LIMS2: variants seen among roughly 807,000 people sequenced by gnomAD.
LIMS2 encodes the protein LIM zinc finger domain containing 2.
LIMS2 carries 30 observed loss-of-function variants against 45.3 expected under a neutral mutation model. The ratio of observed to expected loss-of-function variants is 0.66; its 90% CI spans 0.50 to 0.90. The LOEUF (loss-of-function observed/expected upper bound fraction) is 0.90, where lower values mean the gene tolerates loss of function less well. Among genes scored for constraint, LIMS2 ranks in the 40% least tolerant of loss-of-function variants. The pLI is 0.00. For missense variants in LIMS2, 485 were observed against 468.7 expected (o/e 1.03, Z -0.32); for synonymous variants, 173 against 188.0 (o/e 0.92, Z 0.65).
chr2:127,656,792 G>A (rs991814011), intron 2 of LIMS2, among the ~76,000 whole-genome samples: 6 of 152,164 alleles, frequency 3.9e-5, no homozygotes, highest in African/African-American at 1.2e-4. Context: ...CTCTTGCAGA[G>A]GGGAAGCCTA....
intron 1 of LIMS2, chr2:127,673,765 A>T: frequency 2.6e-6 from 4 of 1,550,146 alleles, no homozygotes; most frequent in Non-Finnish European, 2.6e-6. Flanking sequence ...GAGAGTGAGA[A>T]CCAGCCAGCT....
chr2:127,661,155 C>T (rs564097455), intron 1 of LIMS2, among the ~76,000 whole-genome samples: 6 of 152,364 alleles, frequency 3.9e-5, no homozygotes, highest in Admixed American at 1.3e-4. Context: ...ACAGAGAGGC[C>T]GGCAGAGGCC....
upstream of LIMS2, among the ~76,000 whole-genome samples, chr2:127,678,624 ATG>A (rs1376806940): frequency 6.6e-6 from 1 of 152,002 alleles, no homozygotes; most frequent in East Asian, 1.9e-4. The surrounding 1 kb of genome is among the most constrained non-coding windows in gnomAD (Gnocchi z 5.3). Context: ...GGGAATCTGG[ATG>A]TGTGTGTGTG....
At position 127,675,083 on chromosome 2, in the gene LIMS2, T is replaced by G. The variant is rs1397407939; in HGVS notation, c.-59A>C. 8.2e-7 allele frequency: 1 copy of G among 1,224,366 alleles called. No homozygotes were observed. The highest frequency in any genetic ancestry group is 1.6e-5 in the African/African-American group (1 of 63,888). 75.8% of individuals were successfully genotyped at this position (1,224,366 alleles called of 1,614,324 possible). ...GTTGCCGCGGGTCTCCCTCTGCTGC[T>G]GCAGCCGCCAGCCGAGCGCCCGCCC... is the stretch of plus-strand genomic sequence containing the variant. On this transcript the variant is annotated 5_prime_UTR_variant, in exon 1 of 10. Coordinates refer to ENST00000355119, the MANE Select transcript of LIMS2 (RefSeq NM_001161403.3).
Position 127,657,474 on chromosome 2 carries a change from C to T in LIMS2, c.100G>A (p.Glu34Lys). 6.2e-7 allele frequency: 1 copy of T among 1,613,762 alleles called. No individual in the cohort carries two copies. Residue 34 changes from glutamate to lysine, a missense_variant, in exon 2 of 10, where the codon GAG (glutamate) becomes AAG (lysine). Glu to Lys is a moderately conservative substitution (Grantham distance 56). Coordinates refer to ENST00000355119, the MANE Select transcript of LIMS2 (RefSeq NM_001161403.3). ...PAERIVNSNGELYHEHCFVCA... is the reference protein window; with the variant it reads ...PAERIVNSNGKLYHEHCFVCA... The stretch of plus-strand genomic sequence containing the variant: ...ACGAAGCAGTGCTCATGGTACAGCT[C>T]CCCATTGCTGTTGACAATGCGCTCG...
At chr2:127,670,005 G>A (rs2105340894) in intron 1 of LIMS2, among the ~76,000 whole-genome samples, 1 of 152,268 alleles carries the variant, frequency 6.6e-6, no homozygotes, top group East Asian at 1.9e-4. Context: ...TCGGGAAATT[G>A]GAACCTTCAT....
chr2:127,673,774 C>A, intron 1 of LIMS2: 1 of 1,547,690 alleles, frequency 6.5e-7, no homozygotes, highest in Non-Finnish European at 8.7e-7. Context: ...AACCAGCCAG[C>A]TGGCAGGGAT....
intron 3 of LIMS2, 80 bp from the exon 4 acceptor site, chr2:127,654,624 G>A: frequency 6.3e-7 from 1 of 1,594,052 alleles, no homozygotes; most frequent in South Asian, 1.1e-5. Context: ...TGTCCACCTA[G>A]CACTCCGCCT....
At chr2:127,650,809 A>G (rs1350002189) in intron 4 of LIMS2, 1 of 1,613,932 alleles carries the variant, frequency 6.2e-7, no homozygotes. Flanking sequence ...CAATGTGGCC[A>G]GGAGACGCCA....
intron 1 of LIMS2, among the ~76,000 whole-genome samples, chr2:127,673,501 G>A (rs1021174184): frequency 8.5e-5 from 13 of 152,190 alleles, no homozygotes; most frequent in Admixed American, 2.6e-4. Flanking sequence ...CAGCGGTTCC[G>A]GCCGGGCTCA....
Position 127,664,603 on chromosome 2 carries a change from G to A in LIMS2, c.12-7041C>T, listed in dbSNP as rs959653076. On this transcript the variant is annotated intron_variant, in intron 1 of 9. Coordinates refer to ENST00000355119, the MANE Select transcript of LIMS2 (RefSeq NM_001161403.3). The surrounding 1 kb of genome is among the most constrained non-coding windows in gnomAD (Gnocchi z 5.5). ...TCCAAATAGAAAGGATATTGTTCGC[G>A]CCGCGGGGGCAGCTCCTGAAAGCTG... The A allele has an allele frequency of 3.2e-5, 36 of 1,120,672 alleles. No individual in the cohort carries two copies. Among genetic ancestry groups the A allele is most frequent in the Non-Finnish European group, 3.7e-5 (34 of 917,746 alleles). The allele number at this position is 1,120,672 out of a possible 1,614,324, so 69.4% of individuals were successfully genotyped here. A position where few individuals can be genotyped will look rare whatever the true frequency, so the allele number is the denominator to read the frequency against.
chr2:127,649,977 G>C, intron 4 of LIMS2: 1 of 1,581,318 alleles, frequency 6.3e-7, no homozygotes, highest in South Asian at 1.1e-5. Flanking sequence ...CCAGGCACAG[G>C]CTTCTCCTAA....
Position 127,667,697 on chromosome 2 carries a change from T to C in LIMS2, c.11+7317A>G, listed in dbSNP as rs76828496. Among the ~76,000 whole-genome samples, 173 of 152,348 alleles carry C rather than the reference T, an allele frequency of 1.1e-3. 2 individuals are homozygous for C. The East Asian group carries it at 0.032, about 28-fold the overall frequency. On this transcript the variant is annotated intron_variant, in intron 1 of 9. Coordinates refer to ENST00000355119, the MANE Select transcript of LIMS2 (RefSeq NM_001161403.3). The surrounding 1 kb of genome is among the most constrained non-coding windows in gnomAD (Gnocchi z 4.1). ...GGGAATAGAAGGGAACTTCTTCAAT[T>C]TGATAAGGGGCATCTACCCAAAACC...
chr2:127,642,017 C>T lies in LIMS2; in HGVS notation c.660+32G>A. On this transcript the variant is annotated intron_variant, in intron 6 of 9. Transcript: ENST00000355119. The surrounding 1 kb of genome is among the most constrained non-coding windows in gnomAD (Gnocchi z 5.3). ...GACCCTGAGCTGGGGCACCCCCCAA[C>T]CTGAGGCCACGTGTCCACCAGCCTG... 1 of 1,605,074 alleles carries T rather than the reference C, an allele frequency of 6.2e-7. No individual in the cohort carries two copies. The highest frequency in any genetic ancestry group is 8.5e-7 in the Non-Finnish European group (1 of 1,176,118).
chr2:127,655,006 G>A (rs774611722), intron 2 of LIMS2, 110 bp from the exon 3 acceptor site: 1 of 985,600 alleles, frequency 1.0e-6, no homozygotes, highest in Non-Finnish European at 1.6e-6. Context: ...CACTGAGGCA[G>A]GGGCATGCCG....
upstream of LIMS2, among the ~76,000 whole-genome samples, chr2:127,676,318 G>A (rs116681527): frequency 3.9e-3 from 586 of 151,970 alleles, 3 homozygotes; most frequent in African/African-American, 0.013. Context: ...TGAGTTGATA[G>A]TATCCTGCAG....
intron 4 of LIMS2, chr2:127,650,366 A>G: frequency 1.9e-6 from 1 of 530,706 alleles, no homozygotes; most frequent in Non-Finnish European, 3.3e-6. Flanking sequence ...GCAGAACAGA[A>G]AACCCAGAGC....
Position 127,642,835 on chromosome 2 carries a change from C to CT in LIMS2, c.509+87dup. ...CCTGCTCCCCTCTCCCTCCTCAACA[C>CT]TTCCCCAGGTGGAGGCCCCACCGCC... On this transcript the variant is annotated intron_variant, in intron 5 of 9. Coordinates refer to ENST00000355119, the MANE Select transcript of LIMS2 (RefSeq NM_001161403.3). This position sits in a 1 kb window ranked among gnomAD's most constrained non-coding sequence, Gnocchi z 5.3. 1 of 1,423,252 alleles carries CT rather than the reference C, an allele frequency of 7.0e-7. No homozygotes were observed. The allele number at this position is 1,423,252 out of a possible 1,614,324, so 88.2% of individuals were successfully genotyped here.
chr2:127,640,274 G>T lies in LIMS2; in HGVS notation c.798C>A (p.Gly266=). Residue 266 remains glycine, a synonymous_variant, in exon 8 of 10, where the codon GGC becomes GGA. Transcript: ENST00000355119. ...GGAGGGAACACAGGGCCTCACCATC[G>T]CCTTCAATCACATGGCTGCAGTTGT... ...VCYNCSHVIE[G]DVVSALNKAW... 1 of 1,613,340 alleles carries T rather than the reference G, an allele frequency of 6.2e-7. No homozygotes were observed. The highest frequency in any genetic ancestry group is 8.5e-7 in the Non-Finnish European group (1 of 1,179,972).
Sources: gnomAD v4.1 joint callset for allele counts (sites outside exome capture counted in the v4.1 genomes callset) on GRCh38, gnomAD v4.1.1 for gene constraint, Gnocchi (gnomAD v3.1) non-coding constraint, MANE v1.5 for transcripts, NCBI Gene and HGNC (gene_info 2026-07-23, HGNC 2026-07-21) for gene names.